Variants in TRAPPC9 observed in about 807,000 individuals in gnomAD.
TRAPPC9 encodes the protein IKK2 binding protein.
In TRAPPC9, 83 loss-of-function variants were observed where a neutral mutation model predicts 124.0. The ratio of observed to expected loss-of-function variants is 0.67; its 90% CI spans 0.56 to 0.80. The LOEUF is 0.80. Among genes scored for constraint, TRAPPC9 ranks in the 30% least tolerant of loss-of-function variants. The pLI is 0.00. For missense variants in TRAPPC9, 1,302 were observed against 1,508.3 expected (o/e 0.86, Z 2.27); for synonymous variants, 638 against 617.5 (o/e 1.03, Z -0.49).
At chr8:140,266,445 A>C (rs957659780) in intron 15 of TRAPPC9, among the ~76,000 whole-genome samples, 25 of 151,172 alleles carry the variant, frequency 1.7e-4, no homozygotes, top group African/African-American at 5.8e-4. Context: ...CCTGGGCGAC[A>C]GAGTGAGACT....
At chr8:140,228,414 A>T (rs748883764) in intron 16 of TRAPPC9, among the ~76,000 whole-genome samples, 23 of 152,386 alleles carry the variant, frequency 1.5e-4, no homozygotes, top group Non-Finnish European at 2.8e-4. Context: ...AAATTAGCCA[A>T]TACTCATCCT....
At chr8:140,165,475 G>A (rs1253248376) in intron 17 of TRAPPC9, among the ~76,000 whole-genome samples, 2 of 151,496 alleles carry the variant, frequency 1.3e-5, no homozygotes, top group African/African-American at 4.9e-5. Context: ...GGAGATGGAG[G>A]TTGCAGTGAG....
intron 20 of TRAPPC9, among the ~76,000 whole-genome samples, chr8:139,902,079 A>T (rs1301188945): frequency 6.6e-6 from 1 of 152,206 alleles, no homozygotes; most frequent in African/African-American, 2.4e-5. Flanking sequence ...TATGTCCAAC[A>T]TGTACCTGAT....
At position 140,300,479 on chromosome 8, in the gene TRAPPC9, G is replaced by A; in HGVS notation, c.1758C>T (p.Asn586=). 1 of 1,614,200 alleles carries A rather than the reference G, an allele frequency of 6.2e-7. No individual in the cohort carries two copies. The highest frequency in any genetic ancestry group is 8.5e-7 in the Non-Finnish European group (1 of 1,180,040). ...IIAHNRGEER[N]KKIDFQWVQG... ...GGATCGACGTCCTACCTATTTTCTT[G>A]TTCCGCTCTTCTCCACGGTTGTGTG... The change falls in exon 11 of 23, where the codon AAC becomes AAT. Residue 586 remains asparagine (N), a synonymous_variant. Coordinates refer to ENST00000438773, the MANE Select transcript of TRAPPC9 (RefSeq NM_001160372.4).
intron 19 of TRAPPC9, among the ~76,000 whole-genome samples, chr8:139,930,056 T>C (rs1833046268): frequency 6.6e-6 from 1 of 152,220 alleles, no homozygotes; most frequent in Admixed American, 6.5e-5. Context: ...TATGAACAGG[T>C]AATTTAAAGA....
chr8:139,889,747 C>G (rs896569968), intron 20 of TRAPPC9, among the ~76,000 whole-genome samples: 13 of 152,184 alleles, frequency 8.5e-5, no homozygotes, highest in Admixed American at 5.2e-4. Flanking sequence ...TGAGAAATCT[C>G]GCAGGGTAGC....
chr8:139,976,156 G>C (rs919516574), intron 19 of TRAPPC9, among the ~76,000 whole-genome samples: 1 of 152,010 alleles, frequency 6.6e-6, no homozygotes, highest in African/African-American at 2.4e-5. Context: ...CTCCCAAAGT[G>C]CTGGGATTAC....
At chr8:139,756,256 G>A (rs1232625202) in intron 21 of TRAPPC9, among the ~76,000 whole-genome samples, 1 of 134,572 alleles carries the variant, frequency 7.4e-6, no homozygotes. Flanking sequence ...AGGACAGCAG[G>A]TCGCAGTAGG....
intron 21 of TRAPPC9, among the ~76,000 whole-genome samples, chr8:139,773,458 G>A (rs780000695): frequency 5.3e-5 from 8 of 152,222 alleles, no homozygotes; most frequent in Non-Finnish European, 7.3e-5. Flanking sequence ...CTGAACAGGC[G>A]ACTGCCCCGA....
intron 15 of TRAPPC9, among the ~76,000 whole-genome samples, chr8:140,261,969 A>T (rs569307046): frequency 6.6e-6 from 1 of 152,198 alleles, no homozygotes; most frequent in Non-Finnish European, 1.5e-5. Context: ...CCAGCCATCT[A>T]AGCTCTATGG....
chr8:139,980,319 C>T (rs572013913), intron 19 of TRAPPC9, among the ~76,000 whole-genome samples: 2 of 152,318 alleles, frequency 1.3e-5, no homozygotes, highest in African/African-American at 4.8e-5. Flanking sequence ...TGACCAATGC[C>T]AGGAGAACTT....
intron 21 of TRAPPC9, among the ~76,000 whole-genome samples, chr8:139,885,335 C>A (rs1201662733): frequency 6.6e-6 from 1 of 152,174 alleles, no homozygotes; most frequent in Non-Finnish European, 1.5e-5. Context: ...TAATGGCGTT[C>A]TCTTGGGGTT....
chr8:139,973,791 G>T (rs1434368644), intron 19 of TRAPPC9, among the ~76,000 whole-genome samples: 1 of 152,078 alleles, frequency 6.6e-6, no homozygotes, highest in African/African-American at 2.4e-5. Flanking sequence ...CGAGGTGAGT[G>T]CCAGGCCCCC....
intron 17 of TRAPPC9, among the ~76,000 whole-genome samples, chr8:140,078,422 G>A (rs1378457201): frequency 6.6e-6 from 1 of 152,184 alleles, no homozygotes; most frequent in Non-Finnish European, 1.5e-5. Context: ...CAGGGAGGGT[G>A]GAGTGGCAAC....
intron 8 of TRAPPC9, among the ~76,000 whole-genome samples, chr8:140,365,632 G>T (rs910839952): frequency 2.6e-5 from 4 of 152,336 alleles, no homozygotes; most frequent in Admixed American, 2.0e-4. Context: ...ACCCCGCACA[G>T]GCTGCAACTG....
intron 17 of TRAPPC9, among the ~76,000 whole-genome samples, chr8:140,105,032 C>T (rs561375348): frequency 7.9e-4 from 121 of 152,308 alleles, no homozygotes; most frequent in African/African-American, 2.5e-3. Flanking sequence ...ACCACTTGGC[C>T]GGCTCCAGCC....
chr8:139,763,353 T>C (rs1025114038), intron 21 of TRAPPC9, among the ~76,000 whole-genome samples: 3 of 152,236 alleles, frequency 2.0e-5, no homozygotes, highest in Non-Finnish European at 4.4e-5. Flanking sequence ...AAAAGACCCA[T>C]GGATTTATCT....
chr8:140,412,914 T>C (rs74791307), intron 5 of TRAPPC9, among the ~76,000 whole-genome samples: 3,505 of 152,186 alleles, frequency 0.023, 63 homozygotes, highest in Middle Eastern at 0.051. Context: ...ATTAAGATCA[T>C]AGGCCATGAT....
At chr8:139,772,877 G>A (rs894476722) in intron 21 of TRAPPC9, among the ~76,000 whole-genome samples, 3 of 152,244 alleles carry the variant, frequency 2.0e-5, no homozygotes, top group Non-Finnish European at 2.9e-5. Context: ...ACAGGAAGAA[G>A]GCAGCCGTCT....
Sources: allele counts gnomAD v4.1 joint callset (sites outside exome capture counted in the v4.1 genomes callset), GRCh38; gene constraint gnomAD v4.1.1; transcripts MANE v1.5; gene names NCBI Gene and HGNC (gene_info 2026-07-23, HGNC 2026-07-21).